The following UBQLN4 variants were observed in gnomAD, a reference collection of about 807,000 sequenced individuals.
UBQLN4 encodes the protein ubiquilin 4.
A neutral mutation model predicts 60.4 loss-of-function variants in UBQLN4; 11 were observed. The observed-to-expected ratio is 0.18, with a 90% CI of 0.11 to 0.30. The LOEUF is 0.30. Ranked by LOEUF, UBQLN4 falls within the 10% of genes least tolerant of loss-of-function variation. UBQLN4 has a pLI of 1.00. For synonymous variants in UBQLN4, 258 were observed against 313.1 expected, an observed-to-expected ratio of 0.82 and a Z score of 1.86; for missense variants, 417 against 795.5, an observed-to-expected ratio of 0.52 and a Z score of 5.72.
Position 156,036,155 on chromosome 1 carries a change from C to G in UBQLN4, c.*823G>C. On this transcript the variant is annotated 3_prime_UTR_variant, in exon 11 of 11. Coordinates refer to ENST00000368309, the MANE Select transcript of UBQLN4 (RefSeq NM_020131.5). Reference sequence around the variant, plus strand: ...TTAAATTCCATTAGCATCTCTAAGTCTCTTCTGCCAGCTCGGGCCTGGATT... The same window carrying G: ...TTAAATTCCATTAGCATCTCTAAGTGTCTTCTGCCAGCTCGGGCCTGGATT... The G allele has an allele frequency of 1.0e-6, 1 of 985,608 alleles. No homozygotes were observed. Among genetic ancestry groups the G allele is most frequent in the Non-Finnish European group, 1.2e-6 (1 of 829,962 alleles). 61.1% of individuals were successfully genotyped at this position (985,608 alleles called of 1,614,324 possible).
rs138517345 is a variant in UBQLN4, at chr1:156,041,596, G to A, written c.1542C>T (p.Pro514=). ...GSNAGSTPEA[P]TSSPATPATS... ...TGGCTGGCGTGGCTGGTGAGGAAGT[G>A]GGGGCCTCGGGCGTAGACCCTGCGT... Residue 514 remains proline, a synonymous_variant, in exon 10 of 11, where the codon CCC becomes CCT. Transcript: ENST00000368309. 6,528 of 1,612,290 alleles carry A rather than the reference G, an allele frequency of 4.0e-3. 20 individuals are homozygous for A. Among genetic ancestry groups the A allele is most frequent in the South Asian group, 6.7e-3 (610 of 90,746 alleles).
Position 156,036,653 on chromosome 1 carries a change from ACT to A in UBQLN4, c.*323_*324del, listed in dbSNP as rs1348658598. 3 of 1,069,464 alleles carry A rather than the reference ACT, an allele frequency of 2.8e-6. No individual in the cohort carries two copies. Among genetic ancestry groups the A allele is most frequent in the Non-Finnish European group, 3.4e-6 (3 of 882,332 alleles). The allele number at this position is 1,069,464 out of a possible 1,614,324, so 66.2% of individuals were successfully genotyped here. A position where few individuals can be genotyped will look rare whatever the true frequency, so the allele number is the denominator to read the frequency against. On this transcript the variant is annotated 3_prime_UTR_variant, in exon 11 of 11. Coordinates refer to ENST00000368309, the MANE Select transcript of UBQLN4 (RefSeq NM_020131.5). ...AACCAGAGAGCTGGTTCCTCCCTCG[ACT>A]CTGCACAGCCACTGAAAGTTTAAAG...
chr1:156,033,716 C>A (rs1037115071), downstream of UBQLN4, among the ~76,000 whole-genome samples: 1 of 151,984 alleles, frequency 6.6e-6, no homozygotes, highest in Non-Finnish European at 1.5e-5. Flanking sequence ...TCATGGCGGG[C>A]ACCTGCAATC....
chr1:156,032,940 G>A (rs1683320656), downstream of UBQLN4, among the ~76,000 whole-genome samples: 1 of 152,166 alleles, frequency 6.6e-6, no homozygotes, highest in Non-Finnish European at 1.5e-5. Context: ...AGGAGGATGA[G>A]GAAGAGGAGG....
downstream of UBQLN4, among the ~76,000 whole-genome samples, chr1:156,034,082 C>A (rs1192405386): frequency 1.3e-5 from 2 of 150,860 alleles, no homozygotes; most frequent in Non-Finnish European, 2.9e-5. Flanking sequence ...TCTAGTATAC[C>A]ATTATCAAAG....
intron 10 of UBQLN4, among the ~76,000 whole-genome samples, chr1:156,037,630 T>C (rs1485400572): frequency 6.6e-6 from 1 of 152,050 alleles, no homozygotes; most frequent in Non-Finnish European, 1.5e-5. Flanking sequence ...CAAACAAAAC[T>C]GTGTAATAAT....
intron 5 of UBQLN4, among the ~76,000 whole-genome samples, chr1:156,044,643 ATAAC>A (rs1683653095): frequency 1.3e-5 from 2 of 152,098 alleles, no homozygotes; most frequent in Admixed American, 1.3e-4. Flanking sequence ...TAGGTGCTCA[ATAAC>A]TAACTACTGG....
chr1:156,053,229 G>T (rs1375908456), intron 1 of UBQLN4, among the ~76,000 whole-genome samples: 2 of 152,090 alleles, frequency 1.3e-5, no homozygotes, highest in Admixed American at 6.5e-5. Context: ...AGTAGGCGCC[G>T]GCGCTCTCCG....
At chr1:156,033,100 T>C (rs973428591), downstream of UBQLN4, 1 of 578,512 alleles carries the variant, frequency 1.7e-6, no homozygotes, top group Non-Finnish European at 2.2e-6. Context: ...TGAAACCAAG[T>C]TGTCTGTCCA....
At chr1:156,039,245 C>CTTTTT (rs34866268) in intron 10 of UBQLN4, among the ~76,000 whole-genome samples, 10 of 82,504 alleles carry the variant, frequency 1.2e-4, no homozygotes, top group African/African-American at 1.8e-4. Flanking sequence ...CCTGGCCTGG[C>CTTTTT]TTTTTTTTTT....
chr1:156,037,951 G>C (rs1416936914), intron 10 of UBQLN4, among the ~76,000 whole-genome samples: 2 of 152,216 alleles, frequency 1.3e-5, no homozygotes, highest in African/African-American at 4.8e-5. Flanking sequence ...CTTGCACCCA[G>C]GCTGGAATAT....
At chr1:156,044,782 G>A (rs1683657456) in intron 5 of UBQLN4, among the ~76,000 whole-genome samples, 1 of 151,864 alleles carries the variant, frequency 6.6e-6, no homozygotes, top group South Asian at 2.1e-4. Context: ...CCCCTACCTG[G>A]CATTCTCTGT....
Position 156,041,600 on chromosome 1 carries a change from G to A in UBQLN4, c.1538C>T (p.Ala513Val). 2 of 1,612,066 alleles carry A rather than the reference G, an allele frequency of 1.2e-6. No homozygotes were observed. Among genetic ancestry groups the A allele is most frequent in the Middle Eastern group, 1.7e-4 (1 of 5,986 alleles). The change falls in exon 10 of 11, where the codon GCC becomes GTC. Residue 513 changes from alanine to valine, a missense_variant. By Grantham distance (64) the Ala-to-Val change is moderately conservative. Transcript: ENST00000368309. ...TGGCGTGGCTGGTGAGGAAGTGGGG[G>A]CCTCGGGCGTAGACCCTGCGTTGCT... ...AGSNAGSTPEAPTSSPATPAT... is the reference protein window; with the variant it reads ...AGSNAGSTPEVPTSSPATPAT...
rs755077155 is a variant in UBQLN4 at position 156,048,531 on chromosome 1, C to T, written c.870G>A (p.Gln290=). Residue 290 remains glutamine, a synonymous_variant, in exon 5 of 11, where the codon CAG becomes CAA. Transcript: ENST00000368309. The surrounding 1 kb of genome is among the most constrained non-coding windows in gnomAD (Gnocchi z 4.9). The part of the protein sequence containing the change: ...NALRRMYTDI[Q]EPMFSAAREQ... The stretch of plus-strand genomic sequence containing the variant: ...CCCGGGCAGCACTGAACATGGGCTC[C>T]TGGATGTCCGTGTACATGCGGCGGA... The T allele has an allele frequency of 7.4e-6, 12 of 1,612,740 alleles. No individual in the cohort carries two copies. Among genetic ancestry groups the T allele is most frequent in the Non-Finnish European group, 1.0e-5 (12 of 1,178,896 alleles).
downstream of UBQLN4, among the ~76,000 whole-genome samples, chr1:156,034,930 G>A (rs1481362911): frequency 2.1e-5 from 3 of 139,666 alleles, no homozygotes; most frequent in South Asian, 2.3e-4. Context: ...GTGCAGCGGC[G>A]CAATCACAGC....
intron 7 of UBQLN4, 144 bp downstream of exon 7, chr1:156,042,630 G>T: frequency 1.6e-6 from 2 of 1,282,720 alleles, no homozygotes; most frequent in Non-Finnish European, 2.1e-6. Context: ...TAAATAACTT[G>T]CTTAACTCAC....
At chr1:156,044,711 C>T (rs996713916) in intron 5 of UBQLN4, among the ~76,000 whole-genome samples, 10 of 152,078 alleles carry the variant, frequency 6.6e-5, no homozygotes, top group African/African-American at 2.4e-4. Context: ...CCGATCTTCC[C>T]TTTCCCCAGC....
chr1:156,042,118 C>T, intron 8 of UBQLN4, 35 bp downstream of exon 8: 2 of 1,606,942 alleles, frequency 1.2e-6, no homozygotes, highest in Non-Finnish European at 1.7e-6. Context: ...CTACCCCTTG[C>T]CCTCAACCTC....
At chr1:156,047,070 AAT>A (rs1336615886) in intron 5 of UBQLN4, among the ~76,000 whole-genome samples, 1 of 152,124 alleles carries the variant, frequency 6.6e-6, no homozygotes, top group Non-Finnish European at 1.5e-5. Context: ...GCAAATATTA[AAT>A]ATGTCTAGGA....
Sources: gnomAD v4.1 joint callset for allele counts (sites outside exome capture counted in the v4.1 genomes callset) on GRCh38, gnomAD v4.1.1 for gene constraint, Gnocchi (gnomAD v3.1) non-coding constraint, MANE v1.5 for transcripts, NCBI Gene and HGNC (gene_info 2026-07-23, HGNC 2026-07-21) for gene names.